The following CPAP variants were observed in gnomAD, a reference collection of about 807,000 sequenced individuals.
The protein encoded by CPAP is centrosome assembly and centriole elongation protein.
the CPAP span, chr13:24,908,184 A>T: frequency 1.7e-6 from 2 of 1,206,350 alleles, no homozygotes; most frequent in Non-Finnish European, 2.5e-6. Flanking sequence ...GTCTTAAAAC[A>T]TGAGAATTCT....
chr13:24,895,221 A>T, the CPAP span, among the ~76,000 whole-genome samples: 1 of 152,258 alleles, frequency 6.6e-6, no homozygotes, highest in Non-Finnish European at 1.5e-5. Context: ...CGCTCAGAGC[A>T]GCCCCGGAGG....
the CPAP span, among the ~76,000 whole-genome samples, chr13:24,914,456 C>A: frequency 6.6e-6 from 1 of 152,166 alleles, no homozygotes; most frequent in Non-Finnish European, 1.5e-5. Flanking sequence ...CCCAAACATC[C>A]GAGCCCCAAA....
chr13:24,894,289 G>C, the CPAP span, among the ~76,000 whole-genome samples: 6 of 152,196 alleles, frequency 3.9e-5, no homozygotes, highest in African/African-American at 1.4e-4. Context: ...AGGCCAAGCC[G>C]CCAGCAAGTC....
chr13:24,905,665 C>CTT, the CPAP span: 17 of 1,614,214 alleles, frequency 1.1e-5, no homozygotes, highest in Middle Eastern at 1.6e-4. Context: ...CATCAAAGTC[C>CTT]ATTTTACTCA....
At chr13:24,906,130 G>A in the CPAP span, 30 of 1,613,274 alleles carry the variant, frequency 1.9e-5, no homozygotes, top group Admixed American at 2.7e-4. Context: ...AATCCTCACT[G>A]CGGTTACAAT....
At chr13:24,892,571 C>T in the CPAP span, 1 of 1,193,352 alleles carries the variant, frequency 8.4e-7, no homozygotes, top group Non-Finnish European at 1.2e-6. Context: ...TACTTTCTGA[C>T]TCTATGAATT....
At chr13:24,905,712 T>C in the CPAP span, 29 of 1,614,050 alleles carry the variant, frequency 1.8e-5, no homozygotes, top group African/African-American at 2.7e-5. Context: ...TCAGACACTT[T>C]ATGTTTTATG....
the CPAP span, among the ~76,000 whole-genome samples, chr13:24,913,845 A>G: frequency 6.6e-6 from 1 of 152,236 alleles, no homozygotes; most frequent in Non-Finnish European, 1.5e-5. Context: ...TCAGACTTTA[A>G]AATTAACCAA....
At chr13:24,933,360 A>T in the CPAP span, 8 of 416,080 alleles carry the variant, frequency 1.9e-5, no homozygotes, top group Non-Finnish European at 4.4e-6. Context: ...GGACAATTCC[A>T]CATGTCCAGT....
the CPAP span, among the ~76,000 whole-genome samples, chr13:24,915,026 G>C: frequency 6.6e-6 from 1 of 152,026 alleles, no homozygotes; most frequent in African/African-American, 2.4e-5. Context: ...AGTGAGCCAA[G>C]ATCACACCAC....
the CPAP span, among the ~76,000 whole-genome samples, chr13:24,896,391 G>A: frequency 6.6e-6 from 1 of 152,248 alleles, no homozygotes; most frequent in Non-Finnish European, 1.5e-5. Flanking sequence ...GTCCTGCATG[G>A]TGCAGTGTGG....
At chr13:24,912,650 T>G in the CPAP span, 96 of 1,613,730 alleles carry the variant, frequency 5.9e-5, no homozygotes, top group African/African-American at 1.2e-3. Flanking sequence ...AGATCTGGGA[T>G]GAAGTCATTT....
the CPAP span, chr13:24,889,222 A>C: frequency 1.1e-6 from 1 of 915,374 alleles, no homozygotes; most frequent in Non-Finnish European, 1.8e-6. Flanking sequence ...AATGTTCAAA[A>C]ACATTTATTA....
At chr13:24,899,410 C>T in the CPAP span, 1 of 1,601,486 alleles carries the variant, frequency 6.2e-7, no homozygotes, top group African/African-American at 1.3e-5. Flanking sequence ...ACATAAAGAA[C>T]TAGCATACCT....
At chr13:24,894,491 G>C in the CPAP span, among the ~76,000 whole-genome samples, 1 of 152,250 alleles carries the variant, frequency 6.6e-6, no homozygotes, top group African/African-American at 2.4e-5. Flanking sequence ...CAGGGGCCGT[G>C]TCAGTGCCAT....
the CPAP span, chr13:24,886,390 G>C: frequency 1.6e-6 from 2 of 1,287,600 alleles, no homozygotes; most frequent in African/African-American, 3.0e-5. Context: ...CTGTGCCTGT[G>C]AGACAGGAAT....
chr13:24,890,588 G>C, the CPAP span, among the ~76,000 whole-genome samples: 1 of 152,162 alleles, frequency 6.6e-6, no homozygotes, highest in African/African-American at 2.4e-5. Flanking sequence ...ATGACCACAA[G>C]CTGAATAAGA....
the CPAP span, chr13:24,905,892 GT>G: frequency 1.2e-6 from 2 of 1,614,062 alleles, no homozygotes; most frequent in Non-Finnish European, 1.7e-6. Flanking sequence ...TCAGTCGATG[GT>G]TTTATGGTAA....
the CPAP span, among the ~76,000 whole-genome samples, chr13:24,924,069 G>A: frequency 5.9e-5 from 9 of 152,038 alleles, no homozygotes; most frequent in Non-Finnish European, 1.3e-4. Flanking sequence ...TTCTGACCTC[G>A]TGATCCGCCC....
Sources: gnomAD v4.1 joint callset for allele counts (sites outside exome capture counted in the v4.1 genomes callset) on GRCh38, gnomAD v4.1.1 for gene constraint, MANE v1.5 for transcripts, NCBI Gene and HGNC (gene_info 2026-07-23, HGNC 2026-07-21) for gene names.